Variants in NADK2 observed in about 807,000 individuals in gnomAD.
NADK2 encodes the protein NAD kinase 2, mitochondrial.
NADK2 carries 35 observed loss-of-function variants against 62.1 expected under a neutral mutation model. The observed-to-expected ratio is 0.56, with a 90% CI of 0.43 to 0.75. The LOEUF is 0.75. Ranked by LOEUF, NADK2 falls within the 30% of genes least tolerant of loss-of-function variation. The probability of loss-of-function intolerance (pLI) is 0.00; values close to 1 mark genes in which losing one functional copy is unlikely to be tolerated. For missense variants in NADK2, 439 were observed against 561.3 expected (o/e 0.78, Z 2.20); for synonymous variants, 205 against 207.9 (o/e 0.99, Z 0.12).
At chr5:36,219,799 T>C (rs1747196538) in intron 4 of NADK2, 120 bp from the exon 5 acceptor site, 6 of 722,920 alleles carry the variant, frequency 8.3e-6, no homozygotes, top group East Asian at 2.7e-5. Context: ...TCTAAAAATG[T>C]CTACCCTATA....
chr5:36,199,270 C>T lies in NADK2; in HGVS notation c.1066+957G>A, dbSNP rs147935282. ...TTAAGGTAACCAATGAGAATGAGGC[C>T]GTTCTGATAAATCCAAGCATTTGTG... On this transcript the variant is annotated intron_variant, in intron 10 of 11. Coordinates refer to ENST00000381937, the MANE Select transcript of NADK2 (RefSeq NM_001085411.3). 1.6e-3 allele frequency among the ~76,000 whole-genome samples: 244 copies of T among 151,996 alleles called. 3 individuals are homozygous for T. Among genetic ancestry groups the T allele is most frequent in the African/African-American group, 5.3e-3 (220 of 41,468 alleles).
At chr5:36,231,364 T>C (rs1747703438) in intron 1 of NADK2, among the ~76,000 whole-genome samples, 1 of 152,214 alleles carries the variant, frequency 6.6e-6, no homozygotes, top group Non-Finnish European at 1.5e-5. Context: ...TACTTAACAT[T>C]GAAGCAGAAA....
chr5:36,230,717 GTATAT>G (rs1198106183), intron 1 of NADK2, among the ~76,000 whole-genome samples: 3 of 151,894 alleles, frequency 2.0e-5, no homozygotes, highest in Admixed American at 6.6e-5. Context: ...AGTTACTATA[GTATAT>G]TATTTTGTTA....
intron 1 of NADK2, among the ~76,000 whole-genome samples, chr5:36,236,393 T>C (rs1431718960): frequency 6.6e-6 from 1 of 152,204 alleles, no homozygotes; most frequent in Non-Finnish European, 1.5e-5. Flanking sequence ...CATTTTCTGC[T>C]CCCTCCCACC....
At chr5:36,214,371 G>A (rs1026014447) in intron 6 of NADK2, among the ~76,000 whole-genome samples, 3 of 152,198 alleles carry the variant, frequency 2.0e-5, no homozygotes, top group Non-Finnish European at 4.4e-5. Flanking sequence ...GTAGAGACGA[G>A]GTTTTACCAT....
At chr5:36,217,565 T>A (rs1178697665) in intron 6 of NADK2, among the ~76,000 whole-genome samples, 183 bp downstream of exon 6, 1 of 152,214 alleles carries the variant, frequency 6.6e-6, no homozygotes, top group East Asian at 1.9e-4. Context: ...AAAACATTTC[T>A]AGAAATATGC....
At chr5:36,206,754 AT>A (rs1460049523) in intron 8 of NADK2, among the ~76,000 whole-genome samples, 1 of 148,032 alleles carries the variant, frequency 6.8e-6, no homozygotes, top group East Asian at 1.9e-4. Context: ...AGTAGACGAG[AT>A]TACCCAGAGG....
At chr5:36,198,138 C>A (rs1009150599) in intron 10 of NADK2, among the ~76,000 whole-genome samples, 1 of 151,864 alleles carries the variant, frequency 6.6e-6, no homozygotes, top group Non-Finnish European at 1.5e-5. Context: ...TCCAATACAC[C>A]CCCATTACTC....
At chr5:36,219,214 G>GTGTT (rs956349647) in intron 5 of NADK2, among the ~76,000 whole-genome samples, 1 of 152,004 alleles carries the variant, frequency 6.6e-6, no homozygotes, top group Non-Finnish European at 1.5e-5. Flanking sequence ...GGTTTTTTGT[G>GTGTT]TGTTTGTTTG....
rs928121704 is a variant in NADK2, at chr5:36,217,735, C to A, written c.781+13G>T. 1 of 1,613,258 alleles carries A rather than the reference C, an allele frequency of 6.2e-7. No individual in the cohort carries two copies. Among genetic ancestry groups the A allele is most frequent in the African/African-American group, 1.3e-5 (1 of 74,790 alleles). On this transcript the variant is annotated intron_variant, in intron 6 of 11. Transcript: ENST00000381937. ...ATATTTCCCCAAACACATCTGATGC[C>A]CAATCCACCTACTTTCATCATGAGC...
At chr5:36,219,426 GT>G (rs763811769) in intron 5 of NADK2, among the ~76,000 whole-genome samples, 169 bp downstream of exon 5, 30 of 152,112 alleles carry the variant, frequency 2.0e-4, no homozygotes, top group Admixed American at 1.9e-3. Flanking sequence ...GCCCAGGCTG[GT>G]CTCAAACTCC....
At chr5:36,207,488 T>C (rs1746684450) in intron 7 of NADK2, among the ~76,000 whole-genome samples, 1 of 152,044 alleles carries the variant, frequency 6.6e-6, no homozygotes, top group African/African-American at 2.4e-5. Context: ...GTCTGATTTA[T>C]ATATTCCTTT....
At chr5:36,236,130 T>C (rs1747900178) in intron 1 of NADK2, among the ~76,000 whole-genome samples, 2 of 152,104 alleles carry the variant, frequency 1.3e-5, no homozygotes, top group Admixed American at 1.3e-4. Flanking sequence ...ATTTTGTTAT[T>C]TGCAATCTCA....
chr5:36,235,605 T>C (rs1017836448), intron 1 of NADK2, among the ~76,000 whole-genome samples: 2 of 152,176 alleles, frequency 1.3e-5, no homozygotes, highest in Non-Finnish European at 2.9e-5. Flanking sequence ...TTGTCTACTC[T>C]GTTATATCCA....
intron 7 of NADK2, among the ~76,000 whole-genome samples, chr5:36,208,864 A>C (rs1746738674): frequency 6.6e-6 from 1 of 152,124 alleles, no homozygotes; most frequent in South Asian, 2.1e-4. Context: ...TAGAATCAGA[A>C]ACACCGGGTT....
chr5:36,241,348 A>T lies in NADK2; in HGVS notation c.300+151T>A. On this transcript the variant is annotated intron_variant, in intron 1 of 11. Transcript: ENST00000381937. This position sits in a 1 kb window ranked among gnomAD's most constrained non-coding sequence, Gnocchi z 4.9. ...CAAAGGCAAAGGAGGCCCAGGGAGA[A>T]GCCAGAGGACCTGGGGGCCGCGAGA... 1 of 1,315,840 alleles carries T rather than the reference A, an allele frequency of 7.6e-7. No homozygotes were observed. The allele number at this position is 1,315,840 out of a possible 1,614,324, so 81.5% of individuals were successfully genotyped here. A position where few individuals can be genotyped will look rare whatever the true frequency, so the allele number is the denominator to read the frequency against.
chr5:36,236,123 T>G (rs982419280), intron 1 of NADK2, among the ~76,000 whole-genome samples: 1 of 152,130 alleles, frequency 6.6e-6, no homozygotes, highest in African/African-American at 2.4e-5. Flanking sequence ...GTGAAAAATT[T>G]TGTTATTTGC....
chr5:36,202,188 C>A (rs1458141343), intron 8 of NADK2, among the ~76,000 whole-genome samples: 1 of 152,020 alleles, frequency 6.6e-6, no homozygotes, highest in Non-Finnish European at 1.5e-5. Flanking sequence ...AGGTCTACAA[C>A]CTTCACCATT....
intron 1 of NADK2, among the ~76,000 whole-genome samples, chr5:36,234,282 A>G (rs572763448): frequency 9.4e-5 from 14 of 148,506 alleles, no homozygotes; most frequent in African/African-American, 3.5e-4. Context: ...CTGAGGCAGG[A>G]GAATGGCGTG....
Sources: gnomAD v4.1 joint callset for allele counts (sites outside exome capture counted in the v4.1 genomes callset) on GRCh38, gnomAD v4.1.1 for gene constraint, Gnocchi (gnomAD v3.1) non-coding constraint, MANE v1.5 for transcripts, NCBI Gene and HGNC (gene_info 2026-07-23, HGNC 2026-07-21) for gene names.